SCNN1B: variants seen among roughly 807,000 people sequenced by gnomAD.
SCNN1B encodes the protein sodium channel epithelial 1 subunit beta, also known as epithelial sodium channel subunit beta.
A neutral mutation model predicts 65.3 loss-of-function variants in SCNN1B; 46 were observed. That is an observed-to-expected ratio of 0.70 (90% CI 0.56 to 0.90). SCNN1B has a LOEUF of 0.90. SCNN1B is among the 40% of genes least tolerant of loss of function. The pLI is 0.00. For synonymous variants in SCNN1B, 349 were observed against 330.6 expected, an observed-to-expected ratio of 1.06 and a Z score of -0.60; for missense variants, 751 against 830.5, an observed-to-expected ratio of 0.90 and a Z score of 1.18.
intron 3 of SCNN1B, 44 bp downstream of exon 3, chr16:23,353,118 G>T: frequency 3.7e-6 from 6 of 1,604,508 alleles, no homozygotes; most frequent in Non-Finnish European, 5.1e-6. Context: ...GCCCCACCCA[G>T]TGAGGCTGAT....
At chr16:23,370,331 C>A (rs148222295) in intron 5 of SCNN1B, among the ~76,000 whole-genome samples, 7 of 152,230 alleles carry the variant, frequency 4.6e-5, no homozygotes, top group Non-Finnish European at 8.8e-5. Context: ...GTCTTGAACT[C>A]CTGACCTCAA....
intron 1 of SCNN1B, among the ~76,000 whole-genome samples, chr16:23,319,739 A>G (rs945770703): frequency 1.2e-4 from 19 of 152,016 alleles, no homozygotes; most frequent in Non-Finnish European, 1.5e-4. Flanking sequence ...TCTGCTGCAC[A>G]TATTATCAAA....
At chr16:23,354,871 G>A (rs941016313) in intron 3 of SCNN1B, among the ~76,000 whole-genome samples, 3 of 152,218 alleles carry the variant, frequency 2.0e-5, no homozygotes, top group Non-Finnish European at 4.4e-5. Context: ...ATGACCGTGT[G>A]TGTGTTTTTG....
chr16:23,353,938 C>T (rs1018443490), intron 3 of SCNN1B, among the ~76,000 whole-genome samples: 6 of 152,224 alleles, frequency 3.9e-5, no homozygotes, highest in African/African-American at 1.4e-4. Context: ...TCTGAGTGAG[C>T]AGTTCTGGGC....
chr16:23,342,735 C>A (rs1962079041), intron 1 of SCNN1B, among the ~76,000 whole-genome samples: 1 of 152,090 alleles, frequency 6.6e-6, no homozygotes. Flanking sequence ...CAAAGCCATC[C>A]TGGGCTGCCT....
intron 2 of SCNN1B, among the ~76,000 whole-genome samples, chr16:23,292,345 C>T (rs1192509047): frequency 2.0e-5 from 3 of 149,232 alleles, no homozygotes; most frequent in Non-Finnish European, 4.5e-5. Context: ...AGGCGCCCGC[C>T]ACCACACCCA....
rs747701524 is a variant in SCNN1B at position 23,371,791 on chromosome 16, A to G, written c.1060A>G (p.Met354Val). Residue 354 changes from methionine (M) to valine (V), a missense_variant, in exon 7 of 13, where the codon ATG becomes GTG. Coordinates refer to ENST00000343070, the MANE Select transcript of SCNN1B (RefSeq NM_000336.3). ...CTAAACACAGGACAAGCTTCAGCGC[A>G]TGGGGGAGCCCTACAGCCCGTGCAC... ...IGVLVDKLQR[M>V]GEPYSPCTVN... 3.7e-6 allele frequency: 6 copies of G among 1,614,164 alleles called. No homozygotes were observed. The Admixed American group carries it at 5.0e-5, about 13-fold the overall frequency.
At chr16:23,374,799 G>A (rs1287954125) in intron 7 of SCNN1B, among the ~76,000 whole-genome samples, 1 of 151,752 alleles carries the variant, frequency 6.6e-6, no homozygotes. Flanking sequence ...GTGGAGGGGC[G>A]GGGCCGAGTG....
At chr16:23,374,105 A>T (rs1962838789) in intron 7 of SCNN1B, among the ~76,000 whole-genome samples, 1 of 151,908 alleles carries the variant, frequency 6.6e-6, no homozygotes, top group Non-Finnish European at 1.5e-5. Flanking sequence ...GGTCTACAAG[A>T]ATATAAGACG....
chr16:23,319,297 C>G (rs1021134065), intron 1 of SCNN1B, among the ~76,000 whole-genome samples: 2 of 152,128 alleles, frequency 1.3e-5, no homozygotes, highest in Non-Finnish European at 2.9e-5. Context: ...CCACCTGCCT[C>G]GGCCTCCCAA....
rs550765067 is a variant in SCNN1B, at chr16:23,295,595, T to C, written n.178+11791T>C. Among the ~76,000 whole-genome samples the C allele has an allele frequency of 5.3e-5, 8 of 152,236 alleles. No individual in the cohort carries two copies. In the East Asian group the frequency reaches 1.4e-3, roughly 26 times the overall value. ...TCGAACTCCTGGCCTCACGCAATCC[T>C]CCCACCTCAGCCTCATAAAGTGCTG... On this transcript the variant is annotated intron_variant and non_coding_transcript_variant, in intron 2 of 3. Coordinates refer to the SCNN1B transcript ENST00000569789.
At chr16:23,337,119 A>G (rs1238499324) in intron 1 of SCNN1B, among the ~76,000 whole-genome samples, 2 of 152,064 alleles carry the variant, frequency 1.3e-5, no homozygotes, top group Non-Finnish European at 2.9e-5. Flanking sequence ...TGATACAATC[A>G]TAGCTAATTG....
chr16:23,316,888 C>T (rs893470529), intron 1 of SCNN1B, among the ~76,000 whole-genome samples: 6 of 152,108 alleles, frequency 3.9e-5, no homozygotes, highest in African/African-American at 1.4e-4. Context: ...TCATGACCAC[C>T]ATCACCCTCA....
At chr16:23,372,924 A>G (rs558179672) in intron 7 of SCNN1B, among the ~76,000 whole-genome samples, 41 of 132,996 alleles carry the variant, frequency 3.1e-4, no homozygotes, top group Middle Eastern at 8.1e-3. Context: ...ACATGGTGAA[A>G]CCCCGTCTCT....
chr16:23,372,256 T>G, intron 7 of SCNN1B: 1 of 343,600 alleles, frequency 2.9e-6, no homozygotes, highest in Non-Finnish European at 5.6e-6. Context: ...ATCTTTCAAC[T>G]GCCTCCTGCC....
Position 23,366,959 on chromosome 16 carries a change from T to C in SCNN1B, c.777-897T>C, listed in dbSNP as rs555791658. 1.1e-3 allele frequency among the ~76,000 whole-genome samples: 170 copies of C among 152,326 alleles called. 3 individuals are homozygous for C. Among genetic ancestry groups the C allele is most frequent in the African/African-American group, 3.5e-3 (146 of 41,566 alleles). ...TTGATGAACTCCAGCACACCAGTCA[T>C]CAGAAGAGGCAAGGAGGAATTCTCC... On this transcript the variant is annotated intron_variant, in intron 4 of 12. Transcript: ENST00000343070.
chr16:23,377,510 T>C, intron 10 of SCNN1B, 124 bp downstream of exon 10: 1 of 803,738 alleles, frequency 1.2e-6, no homozygotes, highest in Non-Finnish European at 2.1e-6. Context: ...TCCTTCCTTC[T>C]CTGTTTCCCT....
chr16:23,349,739 A>G (rs1220759034), intron 2 of SCNN1B, among the ~76,000 whole-genome samples: 2 of 152,180 alleles, frequency 1.3e-5, no homozygotes, highest in Non-Finnish European at 2.9e-5. Context: ...AGCCTGCCAG[A>G]GCAAACATGC....
rs372256905 is a variant in SCNN1B at position 23,377,160 on chromosome 16, C to T, written c.1271-5C>T. On this transcript the variant is annotated splice_polypyrimidine_tract_variant and splice_region_variant and intron_variant, in intron 8 of 12. Transcript: ENST00000343070. ...CTCTTGGCCGCCTTTCTGTCTCCTG[C>T]GCAGCCCATTGCTACTCAGATCTAC... 1.6e-5 allele frequency: 26 copies of T among 1,613,456 alleles called. No homozygotes were observed. The highest frequency in any genetic ancestry group is 1.2e-4 in the African/African-American group (9 of 74,926).
Sources: gnomAD v4.1 joint callset for allele counts (sites outside exome capture counted in the v4.1 genomes callset) on GRCh38, gnomAD v4.1.1 for gene constraint, MANE v1.5 for transcripts, NCBI Gene and HGNC (gene_info 2026-07-23, HGNC 2026-07-21) for gene names.